Variants in PPP2R5D observed in about 807,000 individuals in gnomAD.
The protein encoded by PPP2R5D is serine/threonine-protein phosphatase 2A 56 kDa regulatory subunit delta isoform.
PPP2R5D carries 12 observed loss-of-function variants against 79.1 expected under a neutral mutation model. That is an observed-to-expected ratio of 0.15 (90% CI 0.10 to 0.25). PPP2R5D has a LOEUF of 0.25. PPP2R5D is among the 10% of genes least tolerant of loss of function. PPP2R5D has a pLI of 1.00. For synonymous variants in PPP2R5D, 277 were observed against 286.6 expected (o/e 0.97, Z 0.34); for missense variants, 419 against 760.2 (o/e 0.55, Z 5.28).
chr6:42,996,510 AAAAC>A (rs547072326), intron 2 of PPP2R5D, among the ~76,000 whole-genome samples: 325 of 152,204 alleles, frequency 2.1e-3, no homozygotes, highest in African/African-American at 4.1e-3. Context: ...AAAAGAAAAA[AAAAC>A]AAACAAATCA....
At position 42,989,511 on chromosome 6, in the gene PPP2R5D, A is replaced by G. The variant is rs141594885; in HGVS notation, c.28-100A>G. 26 of 1,011,310 alleles carry G rather than the reference A, an allele frequency of 2.6e-5. No individual in the cohort carries two copies. In the East Asian group the frequency reaches 6.8e-4, roughly 27 times the overall value. The allele number at this position is 1,011,310 out of a possible 1,614,324, so 62.6% of individuals were successfully genotyped here. A position where few individuals can be genotyped will look rare whatever the true frequency, so the allele number is the denominator to read the frequency against. ...AGGTAGATTCTAATTGATTGATTCAACTGGACAGAGGATATTTGCAACAAA... is the reference window on the plus strand; with the variant it reads ...AGGTAGATTCTAATTGATTGATTCAGCTGGACAGAGGATATTTGCAACAAA... On this transcript the variant is annotated intron_variant, in intron 1 of 15. Coordinates refer to ENST00000485511, the MANE Select transcript of PPP2R5D (RefSeq NM_006245.4).
In PPP2R5D at chr6:43,006,669, T is replaced by C; in HGVS notation, c.312T>C (p.Pro104=). 2 of 1,614,016 alleles carry C rather than the reference T, an allele frequency of 1.2e-6. No homozygotes were observed. Among genetic ancestry groups the C allele is most frequent in the Non-Finnish European group, 1.7e-6 (2 of 1,179,928 alleles). ...AGAATCGGGAGCTGCAGAAGCTTCC[T>C]GCCCTGAAAGGTACTTGGCAATTGG... The part of the protein sequence containing the change: ...LSKNRELQKL[P]ALKDSPTQER... Residue 104 remains proline, a synonymous_variant, in exon 3 of 16, where the codon CCT becomes CCC. Coordinates refer to ENST00000485511, the MANE Select transcript of PPP2R5D (RefSeq NM_006245.4). The surrounding 1 kb of genome is among the most constrained non-coding windows in gnomAD (Gnocchi z 4.7).
rs764794443 is a variant in PPP2R5D at position 42,989,674 on chromosome 6, G to A, written c.91G>A (p.Glu31Lys). The A allele has an allele frequency of 7.4e-6, 12 of 1,613,582 alleles. No individual in the cohort carries two copies. The highest frequency in any genetic ancestry group is 6.7e-5 in the East Asian group (3 of 44,886). ...CAGCTCGGGCAAGGATGGTGGAGGC[G>A]AGAACACTGAGGAGGTAATGAATGT... The part of the protein sequence containing the change: ...PSSSGKDGGG[E>K]NTEEAQPQPQ... Residue 31 changes from glutamate to lysine, a missense_variant, in exon 2 of 16, where the codon GAG (glutamate) becomes AAG (lysine). Physicochemically the swap from Glu to Lys is moderately conservative, Grantham distance 56. Coordinates refer to ENST00000485511, the MANE Select transcript of PPP2R5D (RefSeq NM_006245.4).
At chr6:42,995,728 CT>C (rs200983437) in intron 2 of PPP2R5D, among the ~76,000 whole-genome samples, 14,718 of 143,072 alleles carry the variant, frequency 0.1, 1,158 homozygotes, top group African/African-American at 0.2. Context: ...AATTTTTCTC[CT>C]TTTTTTTTTT....
At chr6:42,988,674 A>C (rs576803268) in intron 1 of PPP2R5D, among the ~76,000 whole-genome samples, 4 of 152,320 alleles carry the variant, frequency 2.6e-5, no homozygotes, top group African/African-American at 7.2e-5. Context: ...AAGAAACACT[A>C]GGATTTGTCA....
chr6:42,998,051 ATATATATT>A (rs1771901521), intron 2 of PPP2R5D, among the ~76,000 whole-genome samples: 2 of 19,070 alleles, frequency 1.0e-4, no homozygotes, highest in African/African-American at 3.8e-4. Context: ...ATATATATAT[ATATATATT>A]TTTTTTTTTT....
rs531787162 is a variant in PPP2R5D, at chr6:43,008,388, G to A, written c.939G>A (p.Leu313=). 1 of 1,614,054 alleles carries A rather than the reference G, an allele frequency of 6.2e-7. No homozygotes were observed. Among genetic ancestry groups the A allele is most frequent in the Non-Finnish European group, 8.5e-7 (1 of 1,179,990 alleles). The change falls in exon 9 of 16, where the codon CTG becomes CTA. Residue 313 remains leucine (L), a synonymous_variant. Coordinates refer to ENST00000485511, the MANE Select transcript of PPP2R5D (RefSeq NM_006245.4). The surrounding 1 kb of genome is among the most constrained non-coding windows in gnomAD (Gnocchi z 4.2). ...ILGSIINGFA[L]PLKEEHKMFL... ...CTAGCATCATCAATGGCTTTGCCCTGCCCCTTAAAGAAGAGCACAAGATGT... is the reference window on the plus strand; with the variant it reads ...CTAGCATCATCAATGGCTTTGCCCTACCCCTTAAAGAAGAGCACAAGATGT...
intron 2 of PPP2R5D, among the ~76,000 whole-genome samples, chr6:42,998,058 T>TATATATATATATATATATA (rs1391790699): frequency 9.4e-5 from 1 of 10,688 alleles, no homozygotes; most frequent in Non-Finnish European, 1.8e-4. Flanking sequence ...TATATATATA[T>TATATATATATATATATATA]TTTTTTTTTT....
In PPP2R5D at chr6:42,984,629, G is replaced by A. The variant is rs754548479; in HGVS notation, c.-49G>A. ...GGGCCGAGTGCGGCCGAGCAAAGCC[G>A]GAGCCGGAGCGGGGCCGCAGGAGAC... On this transcript the variant is annotated 5_prime_UTR_variant, in exon 1 of 16. Transcript: ENST00000485511. 8.3e-6 allele frequency: 13 copies of A among 1,569,158 alleles called. No individual in the cohort carries two copies. In the African/African-American group the frequency reaches 1.2e-4, roughly 15 times the overall value.
At position 43,009,023 on chromosome 6, in the gene PPP2R5D, G is replaced by A; in HGVS notation, c.1081-34G>A. On this transcript the variant is annotated intron_variant, in intron 10 of 15. Transcript: ENST00000485511. This position sits in a 1 kb window ranked among gnomAD's most constrained non-coding sequence, Gnocchi z 5.6. ...TCCTGGTGACCTAGGCAGGTGCAAAGAATTTTCATCCCCATGCCCTCCTTG... is the reference window on the plus strand; with the variant it reads ...TCCTGGTGACCTAGGCAGGTGCAAAAAATTTTCATCCCCATGCCCTCCTTG... 6.2e-7 allele frequency: 1 copy of A among 1,604,890 alleles called. No homozygotes were observed. The highest frequency in any genetic ancestry group is 8.5e-7 in the Non-Finnish European group (1 of 1,174,434).
At chr6:43,000,453 G>A (rs1163695944) in intron 2 of PPP2R5D, among the ~76,000 whole-genome samples, 1 of 151,872 alleles carries the variant, frequency 6.6e-6, no homozygotes, top group Non-Finnish European at 1.5e-5. Flanking sequence ...ATGTTGGTCA[G>A]GCTGGTCTTG....
chr6:42,991,231 A>T (rs967648315), intron 2 of PPP2R5D, among the ~76,000 whole-genome samples: 17 of 152,152 alleles, frequency 1.1e-4, no homozygotes, highest in African/African-American at 4.1e-4. Context: ...TTCAGGAATG[A>T]TTATAATTGT....
intron 2 of PPP2R5D, among the ~76,000 whole-genome samples, chr6:42,998,678 G>A (rs1039902436): frequency 6.6e-6 from 1 of 151,582 alleles, no homozygotes; most frequent in South Asian, 2.1e-4. Context: ...CGGGTGGATT[G>A]CTTGAGCTCC....
Position 42,984,603 on chromosome 6 carries a change from C to T in PPP2R5D, c.-75C>T. On this transcript the variant is annotated 5_prime_UTR_variant, in exon 1 of 16. Coordinates refer to ENST00000485511, the MANE Select transcript of PPP2R5D (RefSeq NM_006245.4). ...CAGGCGGTGGCGAAGAGACGCCGAGCGGGCCGAGTGCGGCCGAGCAAAGCC... is the reference window on the plus strand; with the variant it reads ...CAGGCGGTGGCGAAGAGACGCCGAGTGGGCCGAGTGCGGCCGAGCAAAGCC... 3 of 1,513,842 alleles carry T rather than the reference C, an allele frequency of 2.0e-6. No homozygotes were observed. The highest frequency in any genetic ancestry group is 2.3e-5 in the Admixed American group (1 of 43,026). 93.8% of individuals were successfully genotyped at this position (1,513,842 alleles called of 1,614,324 possible).
In PPP2R5D at chr6:43,008,535, A is replaced by G. The variant is rs1375558304; in HGVS notation, c.1026+60A>G. 4.6e-6 allele frequency: 7 copies of G among 1,530,780 alleles called. No homozygotes were observed. Among genetic ancestry groups the G allele is most frequent in the African/African-American group, 2.7e-5 (2 of 73,038 alleles). 94.8% of individuals were successfully genotyped at this position (1,530,780 alleles called of 1,614,324 possible). On this transcript the variant is annotated intron_variant, in intron 9 of 15. Coordinates refer to ENST00000485511, the MANE Select transcript of PPP2R5D (RefSeq NM_006245.4). The surrounding 1 kb of genome is among the most constrained non-coding windows in gnomAD (Gnocchi z 4.2). ...GGCAGCAGAGAAAAGAGCCGGCAGG[A>G]AAGTGTTCCAGCTGGGATAGGGGAA...
At position 43,010,582 on chromosome 6, in the gene PPP2R5D, C is replaced by T; in HGVS notation, c.1481+13C>T. The T allele has an allele frequency of 6.2e-7, 1 of 1,613,448 alleles. No individual in the cohort carries two copies. Among genetic ancestry groups the T allele is most frequent in the Non-Finnish European group, 8.5e-7 (1 of 1,179,390 alleles). On this transcript the variant is annotated intron_variant, in intron 13 of 15. Transcript: ENST00000485511. The surrounding 1 kb of genome is among the most constrained non-coding windows in gnomAD (Gnocchi z 4.7). ...CAGAGAAGCAGAAGTGAGTATCTCT[C>T]TCCCCGGGAGACTTTCATCTTCTAC...
rs1326144089 is a variant in PPP2R5D at position 43,008,957 on chromosome 6, CTG to C, written c.1081-97_1081-96del. The C allele has an allele frequency of 4.2e-5, 60 of 1,419,522 alleles. No homozygotes were observed. In the African/African-American group the frequency reaches 6.4e-4, roughly 15 times the overall value. 87.9% of individuals were successfully genotyped at this position (1,419,522 alleles called of 1,614,324 possible). The stretch of plus-strand genomic sequence containing the variant: ...GGGTAGCTGGCTGAGATCACCCAAA[CTG>C]TGCCCACCAGGGTGGGGGAGAGAGC... On this transcript the variant is annotated intron_variant, in intron 10 of 15. Coordinates refer to ENST00000485511, the MANE Select transcript of PPP2R5D (RefSeq NM_006245.4). The surrounding 1 kb of genome is among the most constrained non-coding windows in gnomAD (Gnocchi z 4.2).
chr6:42,990,411 G>A (rs1200650688), intron 2 of PPP2R5D, among the ~76,000 whole-genome samples: 1 of 152,162 alleles, frequency 6.6e-6, no homozygotes, highest in Non-Finnish European at 1.5e-5. Flanking sequence ...ACTGTTCAGA[G>A]GGATGAAAGA....
chr6:42,997,839 C>T (rs1288314405), intron 2 of PPP2R5D, among the ~76,000 whole-genome samples: 2 of 151,126 alleles, frequency 1.3e-5, no homozygotes, highest in Non-Finnish European at 2.9e-5. Flanking sequence ...AGCCACCATG[C>T]CCAGCCAACT....
Sources: gnomAD v4.1 joint callset for allele counts (sites outside exome capture counted in the v4.1 genomes callset) on GRCh38, gnomAD v4.1.1 for gene constraint, Gnocchi (gnomAD v3.1) non-coding constraint, MANE v1.5 for transcripts, NCBI Gene and HGNC (gene_info 2026-07-23, HGNC 2026-07-21) for gene names.